Variants in COL23A1 observed in about 807,000 individuals in gnomAD.
The protein encoded by COL23A1 is collagen type XXIII alpha 1 chain, also known as collagen alpha-1(XXIII) chain.
COL23A1 carries 97 observed loss-of-function variants against 99.3 expected under a neutral mutation model. The observed-to-expected ratio is 0.98, with a 90% CI of 0.83 to 1.16. The LOEUF (loss-of-function observed/expected upper bound fraction) is 1.16, where lower values mean the gene tolerates loss of function less well. Among genes scored for constraint, COL23A1 ranks in the 50% most tolerant of loss-of-function variants. The pLI is 0.00. For missense variants in COL23A1, 762 were observed against 757.4 expected (o/e 1.01, Z -0.07); for synonymous variants, 320 against 308.2 (o/e 1.04, Z -0.40).
rs546168074 is a variant in COL23A1, at chr5:178,242,014, T to C, written c.1581+28A>G. 3.2e-4 allele frequency: 488 copies of C among 1,534,658 alleles called. 5 individuals carry two copies. In the South Asian group the frequency reaches 5.4e-3, roughly 17 times the overall value. Reference sequence around the variant, plus strand: ...ACCCTGGCTGGAGGCCAAAAAGACCTGGGGCAGGGCCCTCCTCCGACACCT... The same window carrying C: ...ACCCTGGCTGGAGGCCAAAAAGACCCGGGGCAGGGCCCTCCTCCGACACCT... On this transcript the variant is annotated intron_variant, in intron 27 of 28. Coordinates refer to ENST00000390654, the MANE Select transcript of COL23A1 (RefSeq NM_173465.4).
chr5:178,262,689 T>G (rs996398523), intron 9 of COL23A1, among the ~76,000 whole-genome samples: 4 of 151,846 alleles, frequency 2.6e-5, no homozygotes, highest in African/African-American at 9.7e-5. Context: ...TTGGGGAGCA[T>G]GAGGGGAGGG....
chr5:178,358,016 ATGTG>A (rs1252443414), intron 2 of COL23A1, among the ~76,000 whole-genome samples: 2 of 102,080 alleles, frequency 2.0e-5, no homozygotes, highest in African/African-American at 4.2e-5. Flanking sequence ...ATGTGTGTGT[ATGTG>A]TGTGTATGCG....
intron 2 of COL23A1, among the ~76,000 whole-genome samples, chr5:178,433,842 G>A (rs1447088643): frequency 6.6e-6 from 1 of 152,178 alleles, no homozygotes; most frequent in Non-Finnish European, 1.5e-5. Flanking sequence ...TTTGGAGATG[G>A]AAACTTTAAG....
At position 178,571,798 on chromosome 5, in the gene COL23A1, A is replaced by C. The variant is rs1009607033; in HGVS notation, c.295-11050T>G. Among the ~76,000 whole-genome samples, 4 of 152,150 alleles carry C rather than the reference A, an allele frequency of 2.6e-5. No homozygotes were observed. In the East Asian group the frequency reaches 7.7e-4, roughly 29 times the overall value. On this transcript the variant is annotated intron_variant, in intron 1 of 28. Transcript: ENST00000390654. ...AAAAGACCTAAACTGGGCTGGCCAC[A>C]GTGGCTCACGCCTGTAATCCCAACA...
At chr5:178,549,459 T>C (rs1412891075) in intron 2 of COL23A1, among the ~76,000 whole-genome samples, 2 of 152,082 alleles carry the variant, frequency 1.3e-5, no homozygotes, top group Non-Finnish European at 2.9e-5. Flanking sequence ...ACTCAAGACA[T>C]TTGTTGCCTG....
intron 2 of COL23A1, among the ~76,000 whole-genome samples, chr5:178,461,004 A>G (rs1045811430): frequency 6.6e-5 from 10 of 152,162 alleles, no homozygotes; most frequent in Non-Finnish European, 1.5e-4. Context: ...GGAAAGTCGG[A>G]TGGCAGCCCT....
At chr5:178,433,600 C>G (rs187564341) in intron 2 of COL23A1, among the ~76,000 whole-genome samples, 78 of 152,234 alleles carry the variant, frequency 5.1e-4, no homozygotes, top group Non-Finnish European at 1.0e-3. Context: ...TCCTCTGACC[C>G]GCAGCTCTCC....
rs768112082 is a variant in COL23A1 at position 178,250,070 on chromosome 5, A to T, written c.1050T>A (p.Asp350Glu). 6.2e-7 allele frequency: 1 copy of T among 1,614,034 alleles called. No homozygotes were observed. Among genetic ancestry groups the T allele is most frequent in the Non-Finnish European group, 8.5e-7 (1 of 1,180,004 alleles). ...TGAAAGGCCCAGAGACCTTCTCTCC[A>T]TCGATTCCTGGGGCACCGGGCAATC... is the stretch of plus-strand genomic sequence containing the variant. ...ELGLPGAPGIDGEKGPKGQKG... is the reference protein window; with the variant it reads ...ELGLPGAPGIEGEKGPKGQKG... Residue 350 changes from aspartate (D) to glutamate (E), a missense_variant, in exon 18 of 29, where the codon GAT becomes GAA. Asp to Glu is a conservative substitution (Grantham distance 45). Transcript: ENST00000390654.
At chr5:178,269,458 TCCATCCACCCATCCAC>T (rs1756129090) in intron 6 of COL23A1, among the ~76,000 whole-genome samples, 1 of 70,438 alleles carries the variant, frequency 1.4e-5, no homozygotes, top group African/African-American at 6.3e-5. Context: ...CATCCACCCA[TCCATCCACCCATCCAC>T]CCACCCATCC....
chr5:178,503,987 C>A (rs1429464655), intron 2 of COL23A1, among the ~76,000 whole-genome samples: 1 of 152,080 alleles, frequency 6.6e-6, no homozygotes, highest in East Asian at 1.9e-4. Flanking sequence ...TGCTTTGTGA[C>A]TTGGACACTA....
chr5:178,330,635 C>T (rs1759967813), intron 2 of COL23A1, among the ~76,000 whole-genome samples: 2 of 149,076 alleles, frequency 1.3e-5, no homozygotes, highest in Non-Finnish European at 3.0e-5. Flanking sequence ...GCCTGGGTGA[C>T]AGAGTGAGAC....
Position 178,544,033 on chromosome 5 carries a change from C to T in COL23A1, c.361+16649G>A, listed in dbSNP as rs1313666374. Among the ~76,000 whole-genome samples the T allele has an allele frequency of 6.6e-6, 1 of 152,078 alleles. No homozygotes were observed. The highest frequency in any genetic ancestry group is 1.9e-4 in the East Asian group (1 of 5,186). ...CATCACAAGGGCTCCACTCTCATAC[C>T]CTAATCACCTCCTAACACCATTACC... On this transcript the variant is annotated intron_variant, in intron 2 of 28. Transcript: ENST00000390654. This position sits in a 1 kb window ranked among gnomAD's most constrained non-coding sequence, Gnocchi z 4.4.
At chr5:178,262,130 G>T in intron 10 of COL23A1, 87 bp downstream of exon 10, 1 of 1,379,568 alleles carries the variant, frequency 7.2e-7, no homozygotes, top group Non-Finnish European at 1.0e-6. Flanking sequence ...GCGTGACCCT[G>T]CTGTCGGCGT....
chr5:178,334,424 A>G (rs2127651116), intron 2 of COL23A1, among the ~76,000 whole-genome samples: 1 of 152,374 alleles, frequency 6.6e-6, no homozygotes, highest in South Asian at 2.1e-4. Flanking sequence ...ACCGGGCGGC[A>G]CCGGCCGGCA....
chr5:178,520,431 T>C (rs2113043248), intron 2 of COL23A1, among the ~76,000 whole-genome samples: 1 of 152,286 alleles, frequency 6.6e-6, no homozygotes, highest in Non-Finnish European at 1.5e-5. Context: ...ATACGGAAGC[T>C]ACTAAGGCCA....
At chr5:178,311,499 T>TAA (rs1370180251) in intron 2 of COL23A1, among the ~76,000 whole-genome samples, 1 of 9,942 alleles carries the variant, frequency 1.0e-4, no homozygotes, top group South Asian at 1.9e-3. Flanking sequence ...TGTGTGTGTG[T>TAA]GTGTGTGCGC....
chr5:178,481,134 A>AAAG (rs1757314177), intron 2 of COL23A1, among the ~76,000 whole-genome samples: 1 of 148,790 alleles, frequency 6.7e-6, no homozygotes, highest in Admixed American at 6.7e-5. Flanking sequence ...TGTCTCTCAA[A>AAAG]AAAAAAAAAA....
intron 2 of COL23A1, among the ~76,000 whole-genome samples, chr5:178,515,330 C>T (rs547858956): frequency 1.1e-4 from 16 of 152,338 alleles, no homozygotes; most frequent in African/African-American, 3.6e-4. Flanking sequence ...CCCCAGGAAG[C>T]GGTGAGTGTT....
chr5:178,319,772 G>A (rs537272807), intron 2 of COL23A1, among the ~76,000 whole-genome samples: 81 of 152,320 alleles, frequency 5.3e-4, no homozygotes, highest in African/African-American at 1.8e-3. Flanking sequence ...CGACTGTCAC[G>A]GTTTGCTGGG....
Sources: allele counts gnomAD v4.1 joint callset (sites outside exome capture counted in the v4.1 genomes callset), GRCh38; gene constraint gnomAD v4.1.1; non-coding constraint Gnocchi (gnomAD v3.1); transcripts MANE v1.5; gene names NCBI Gene and HGNC (gene_info 2026-07-23, HGNC 2026-07-21).